The following HHAT variants were observed in gnomAD, a reference collection of about 807,000 sequenced individuals.
HHAT encodes the protein protein-cysteine N-palmitoyltransferase HHAT.
Under a neutral mutation model 70.8 loss-of-function variants are expected in HHAT, and 47 were observed. That is an observed-to-expected ratio of 0.66 (90% CI 0.53 to 0.85). The LOEUF (loss-of-function observed/expected upper bound fraction) is 0.85. Ranked by LOEUF, HHAT falls within the 40% of genes least tolerant of loss-of-function variation. HHAT has a pLI of 0.00. For synonymous variants in HHAT, 228 were observed against 247.6 expected (o/e 0.92, Z 0.74); for missense variants, 609 against 604.8 (o/e 1.01, Z -0.07).
chr1:210,648,835 T>G (rs1002045835), intron 11 of HHAT, among the ~76,000 whole-genome samples: 1 of 152,238 alleles, frequency 6.6e-6, no homozygotes, highest in Non-Finnish European at 1.5e-5. Context: ...ATGTGCATTA[T>G]GCAAAATGCA....
chr1:210,344,246 A>G (rs2086299525), intron 1 of HHAT, among the ~76,000 whole-genome samples: 1 of 152,186 alleles, frequency 6.6e-6, no homozygotes, highest in Non-Finnish European at 1.5e-5. Flanking sequence ...TTGTCTACAA[A>G]ACATAGAGCA....
chr1:210,389,395 C>T (rs984894783), intron 4 of HHAT, among the ~76,000 whole-genome samples: 5 of 152,158 alleles, frequency 3.3e-5, no homozygotes, highest in African/African-American at 4.8e-5. Context: ...GTCCCACTCC[C>T]GTGATAACTC....
At chr1:210,501,651 A>G (rs1440739398) in intron 8 of HHAT, among the ~76,000 whole-genome samples, 1 of 149,128 alleles carries the variant, frequency 6.7e-6, no homozygotes, top group East Asian at 2.0e-4. Context: ...GCTCCTGGGG[A>G]AAAATGGCTT....
intron 11 of HHAT, among the ~76,000 whole-genome samples, chr1:210,637,694 C>A (rs534463223): frequency 6.6e-6 from 1 of 151,986 alleles, no homozygotes; most frequent in South Asian, 2.1e-4. Flanking sequence ...ACCCCGTCTC[C>A]CCTAAAAATA....
At chr1:210,383,701 G>T (rs945582060) in intron 3 of HHAT, among the ~76,000 whole-genome samples, 2 of 152,164 alleles carry the variant, frequency 1.3e-5, no homozygotes, top group African/African-American at 4.8e-5. Context: ...GATGCTGATG[G>T]AGAGGGGTTA....
chr1:210,665,011 C>G (rs1356339505), intron 11 of HHAT, among the ~76,000 whole-genome samples: 1 of 152,198 alleles, frequency 6.6e-6, no homozygotes, highest in African/African-American at 2.4e-5. Flanking sequence ...TCCCTTCATT[C>G]TACTTCCCCA....
chr1:210,667,524 T>C (rs1679176290), intron 11 of HHAT, among the ~76,000 whole-genome samples: 1 of 152,172 alleles, frequency 6.6e-6, no homozygotes, highest in South Asian at 2.1e-4. Flanking sequence ...CATCCCAATG[T>C]TATCTTTAAA....
At chr1:210,637,872 G>GA (rs549123155) in intron 11 of HHAT, among the ~76,000 whole-genome samples, 1 of 36,126 alleles carries the variant, frequency 2.8e-5, no homozygotes, top group Non-Finnish European at 6.8e-5. Context: ...AAAAAAAAAA[G>GA]GGGGGGGCAA....
chr1:210,572,641 C>A (rs553639167), intron 9 of HHAT, among the ~76,000 whole-genome samples: 136 of 152,220 alleles, frequency 8.9e-4, no homozygotes, highest in Non-Finnish European at 1.7e-3. Context: ...TGCCTGTAAT[C>A]CCAGTGACTT....
At chr1:210,361,196 C>T (rs1280017957) in intron 2 of HHAT, among the ~76,000 whole-genome samples, 3 of 152,198 alleles carry the variant, frequency 2.0e-5, no homozygotes, top group African/African-American at 4.8e-5. Context: ...GTTTTTCTAC[C>T]CTCTTTGCCT....
chr1:210,417,178 G>A (rs1243886663), intron 6 of HHAT, among the ~76,000 whole-genome samples: 1 of 152,160 alleles, frequency 6.6e-6, no homozygotes, highest in African/African-American at 2.4e-5. Context: ...CGAGTTTATG[G>A]AGTGAAACTC....
At chr1:210,581,456 A>G (rs1032598311) in intron 9 of HHAT, among the ~76,000 whole-genome samples, 5 of 152,164 alleles carry the variant, frequency 3.3e-5, no homozygotes, top group Admixed American at 6.5e-5. Context: ...GAGAAGAGAA[A>G]CCTGAGCAGG....
intron 1 of HHAT, among the ~76,000 whole-genome samples, chr1:210,333,470 A>T (rs2085180829): frequency 7.3e-6 from 1 of 137,496 alleles, no homozygotes; most frequent in Non-Finnish European, 1.6e-5. Context: ...CTCCAAATGT[A>T]TGAGTATATG....
At chr1:210,451,231 A>T (rs528161440) in intron 7 of HHAT, among the ~76,000 whole-genome samples, 1 of 152,288 alleles carries the variant, frequency 6.6e-6, no homozygotes, top group African/African-American at 2.4e-5. Flanking sequence ...TTGCTCTCAG[A>T]CTAGCAGAGC....
upstream of HHAT, among the ~76,000 whole-genome samples, chr1:210,327,600 G>A (rs988942190): frequency 3.9e-5 from 6 of 152,056 alleles, no homozygotes; most frequent in Non-Finnish European, 7.4e-5. Flanking sequence ...CTGCCGCCCG[G>A]GTTCAAGCGA....
At chr1:210,404,377 G>A in intron 5 of HHAT, 87 bp from the exon 6 acceptor site, 1 of 975,122 alleles carries the variant, frequency 1.0e-6, no homozygotes, top group South Asian at 1.5e-5. Flanking sequence ...TCAGATGACG[G>A]TGGCCCTGCT....
chr1:210,516,100 GC>G (rs1368451723), intron 9 of HHAT, among the ~76,000 whole-genome samples: 1 of 151,656 alleles, frequency 6.6e-6, no homozygotes, highest in African/African-American at 2.4e-5. Context: ...GGTATTTTCT[GC>G]CCCCAGCTTG....
chr1:210,535,139 C>T (rs2095357246), intron 9 of HHAT, among the ~76,000 whole-genome samples: 1 of 152,182 alleles, frequency 6.6e-6, no homozygotes, highest in Admixed American at 6.5e-5. Flanking sequence ...GACAATGAAT[C>T]CCAGCCCTGA....
intron 9 of HHAT, among the ~76,000 whole-genome samples, chr1:210,534,221 G>A (rs564330082): frequency 6.6e-6 from 1 of 152,238 alleles, no homozygotes; most frequent in South Asian, 2.1e-4. Flanking sequence ...TGGCTCTGAT[G>A]GCTCACGTGG....
Sources: gnomAD v4.1 joint callset for allele counts (sites outside exome capture counted in the v4.1 genomes callset) on GRCh38, gnomAD v4.1.1 for gene constraint, MANE v1.5 for transcripts, NCBI Gene and HGNC (gene_info 2026-07-23, HGNC 2026-07-21) for gene names.